The following AGMO variants were observed in gnomAD, a reference collection of about 807,000 sequenced individuals.
The protein encoded by AGMO is glyceryl-ether monooxygenase.
AGMO carries 75 observed loss-of-function variants against 60.2 expected under a neutral mutation model. The observed-to-expected ratio is 1.25, with a 90% confidence interval of 1.03 to 1.51. The LOEUF (loss-of-function observed/expected upper bound fraction) is 1.51, where lower values mean the gene tolerates loss of function less well. Among genes scored for constraint, AGMO ranks in the 40% most tolerant of loss-of-function variants. AGMO has a pLI of 0.00. For missense variants in AGMO, 763 were observed against 525.5 expected (o/e 1.45, Z -4.42); for synonymous variants, 261 against 177.1 (o/e 1.47, Z -3.76).
At chr7:15,361,545 A>AAAAAAAAAAAAAAAAG (rs1782758312) in intron 12 of AGMO, among the ~76,000 whole-genome samples, 1 of 149,298 alleles carries the variant, frequency 6.7e-6, no homozygotes, top group Non-Finnish European at 1.5e-5. Context: ...GTCTCAAAAA[A>AAAAAAAAAAAAAAAAG]AAAAAAAAAG....
At chr7:15,341,684 G>A (rs187846425) in intron 12 of AGMO, among the ~76,000 whole-genome samples, 1 of 152,000 alleles carries the variant, frequency 6.6e-6, no homozygotes, top group Non-Finnish European at 1.5e-5. Flanking sequence ...CCATTATTAT[G>A]CTGCTAATAA....
chr7:15,162,675 C>G, the AGMO span, among the ~76,000 whole-genome samples: 2 of 152,110 alleles, frequency 1.3e-5, no homozygotes, highest in Non-Finnish European at 2.9e-5. Flanking sequence ...GCCTAGACAA[C>G]AGACTAAAAT....
chr7:15,126,124 A>G, the AGMO span, among the ~76,000 whole-genome samples: 232 of 152,254 alleles, frequency 1.5e-3, no homozygotes, highest in African/African-American at 5.1e-3. Context: ...ACATAGCATA[A>G]TAGAAACTAC....
chr7:15,262,195 C>A (rs1783292601), intron 12 of AGMO, among the ~76,000 whole-genome samples: 1 of 151,980 alleles, frequency 6.6e-6, no homozygotes, highest in Non-Finnish European at 1.5e-5. Context: ...GTCAAACTGT[C>A]ACTGTTTGCT....
chr7:15,377,300 G>A (rs1337169488), intron 10 of AGMO, among the ~76,000 whole-genome samples: 1 of 152,090 alleles, frequency 6.6e-6, no homozygotes, highest in Non-Finnish European at 1.5e-5. Context: ...GAATGAAGCT[G>A]TCTCCAACTC....
intron 10 of AGMO, among the ~76,000 whole-genome samples, chr7:15,381,225 C>T (rs1583482701): frequency 6.6e-6 from 1 of 152,082 alleles, no homozygotes; most frequent in African/African-American, 2.4e-5. Flanking sequence ...AAGGAACTAT[C>T]AACAGAGTGA....
At chr7:15,533,181 G>C (rs1187918403) in intron 3 of AGMO, among the ~76,000 whole-genome samples, 1 of 152,026 alleles carries the variant, frequency 6.6e-6, no homozygotes, top group African/African-American at 2.4e-5. Context: ...TGGTACTTAA[G>C]ATCTAAGTAA....
chr7:15,412,988 G>A (rs1004226526), intron 5 of AGMO, among the ~76,000 whole-genome samples: 2 of 151,964 alleles, frequency 1.3e-5, no homozygotes, highest in East Asian at 3.9e-4. Context: ...ACACAAATGC[G>A]ATTCATATCA....
chr7:15,418,893 TTA>T (rs1311321171), intron 4 of AGMO, among the ~76,000 whole-genome samples: 4 of 151,964 alleles, frequency 2.6e-5, no homozygotes, highest in Non-Finnish European at 4.4e-5. Context: ...AGTTAAAATA[TTA>T]TATGTTGTGT....
intron 4 of AGMO, among the ~76,000 whole-genome samples, chr7:15,423,124 A>T (rs1780969419): frequency 6.6e-6 from 1 of 152,220 alleles, no homozygotes; most frequent in South Asian, 2.1e-4. Flanking sequence ...AAAATATTTC[A>T]TTAACATTAC....
At chr7:15,217,523 G>A (rs1261243875) in intron 12 of AGMO, among the ~76,000 whole-genome samples, 2 of 151,862 alleles carry the variant, frequency 1.3e-5, no homozygotes, top group East Asian at 3.9e-4. Flanking sequence ...AGTTTAAAGG[G>A]ATTAAAAATA....
At chr7:15,500,264 T>C (rs563448368) in intron 3 of AGMO, among the ~76,000 whole-genome samples, 2 of 151,996 alleles carry the variant, frequency 1.3e-5, no homozygotes, top group South Asian at 2.1e-4. Context: ...TGAGTGTCTG[T>C]CCCAGTCAGG....
chr7:15,278,262 G>A (rs1024846492), intron 12 of AGMO, among the ~76,000 whole-genome samples: 3 of 152,126 alleles, frequency 2.0e-5, no homozygotes, highest in African/African-American at 7.2e-5. Flanking sequence ...TTACCTTTCA[G>A]AACATGTGGG....
chr7:15,547,642 C>CG (rs1379558489), intron 2 of AGMO, among the ~76,000 whole-genome samples: 2 of 152,162 alleles, frequency 1.3e-5, no homozygotes, highest in East Asian at 1.9e-4. Context: ...GAGATTATAT[C>CG]CGCACCTGGC....
intron 12 of AGMO, among the ~76,000 whole-genome samples, chr7:15,267,362 A>C (rs565841658): frequency 5.9e-5 from 9 of 152,120 alleles, no homozygotes; most frequent in African/African-American, 1.9e-4. Context: ...AAGACAGAAT[A>C]AAAACTCCAT....
At chr7:15,376,619 C>T (rs991968888) in intron 10 of AGMO, among the ~76,000 whole-genome samples, 1 of 151,958 alleles carries the variant, frequency 6.6e-6, no homozygotes, top group Non-Finnish European at 1.5e-5. Context: ...ATTATAAGAC[C>T]TTATTGAATA....
intron 3 of AGMO, among the ~76,000 whole-genome samples, chr7:15,519,429 G>C (rs1384388556): frequency 6.6e-6 from 1 of 152,132 alleles, no homozygotes; most frequent in Non-Finnish European, 1.5e-5. Flanking sequence ...TACCCACAAA[G>C]AGAAGCCCAA....
intron 2 of AGMO, among the ~76,000 whole-genome samples, chr7:15,554,376 C>G (rs1391808553): frequency 6.6e-6 from 1 of 151,930 alleles, no homozygotes; most frequent in Non-Finnish European, 1.5e-5. Context: ...TTGGAATTCC[C>G]AAATACTAGA....
At chr7:15,353,586 A>T (rs561695807) in intron 12 of AGMO, among the ~76,000 whole-genome samples, 14 of 152,324 alleles carry the variant, frequency 9.2e-5, no homozygotes, top group Admixed American at 2.6e-4. Flanking sequence ...ATACTTTTTT[A>T]AAAAACTCAG....
Sources: gnomAD v4.1 joint callset for allele counts (sites outside exome capture counted in the v4.1 genomes callset) on GRCh38, gnomAD v4.1.1 for gene constraint, MANE v1.5 for transcripts, NCBI Gene and HGNC (gene_info 2026-07-23, HGNC 2026-07-21) for gene names.